Variants in CSMD1 observed in about 807,000 individuals in gnomAD.
The protein encoded by CSMD1 is CUB and Sushi multiple domains 1.
A neutral mutation model predicts 417.5 loss-of-function variants in CSMD1; 213 were observed. The ratio of observed to expected loss-of-function variants is 0.51; its 90% confidence interval spans 0.46 to 0.57. CSMD1 has a LOEUF of 0.57. Ranked by LOEUF, CSMD1 falls within the 20% of genes least tolerant of loss-of-function variation. The pLI, the probability that CSMD1 is intolerant of heterozygous loss-of-function variation, is 0.00. For synonymous variants in CSMD1, 2,862 were observed against 1,736.8 expected (o/e 1.65, Z -16.11); for missense variants, 6,923 against 4,529.7 (o/e 1.53, Z -15.17).
chr8:4,960,272 A>G (rs1809389543), intron 1 of CSMD1, among the ~76,000 whole-genome samples: 1 of 152,234 alleles, frequency 6.6e-6, no homozygotes, highest in Admixed American at 6.5e-5. Context: ...TAAACTATAC[A>G]TAACATTTGT....
intron 2 of CSMD1, 128 bp downstream of exon 2, chr8:4,637,214 G>T: frequency 1.4e-6 from 1 of 707,222 alleles, no homozygotes; most frequent in Non-Finnish European, 2.3e-6. Context: ...CTTGAAGTCA[G>T]CGAGGCCACG....
At chr8:2,990,995 T>C (rs570667019) in intron 54 of CSMD1, among the ~76,000 whole-genome samples, 4 of 152,302 alleles carry the variant, frequency 2.6e-5, no homozygotes, top group South Asian at 4.1e-4. Flanking sequence ...TTGCTTTCCA[T>C]AGGGTATATT....
chr8:3,918,168 G>C (rs1037426106), intron 5 of CSMD1, among the ~76,000 whole-genome samples: 13 of 152,050 alleles, frequency 8.5e-5, no homozygotes, highest in Non-Finnish European at 7.4e-5. Flanking sequence ...GAGTGAAAGT[G>C]TGTGTTCAAA....
At chr8:3,838,405 T>G (rs757035082) in intron 5 of CSMD1, among the ~76,000 whole-genome samples, 5 of 135,480 alleles carry the variant, frequency 3.7e-5, no homozygotes, top group African/African-American at 5.9e-5. Context: ...AGCCTATATA[T>G]ATAGAGAGAG....
chr8:4,784,020 A>AT (rs891159357), intron 1 of CSMD1, among the ~76,000 whole-genome samples: 3 of 152,200 alleles, frequency 2.0e-5, no homozygotes, highest in Non-Finnish European at 2.9e-5. Context: ...AAAATTATGG[A>AT]TAAAAAAAGT....
At chr8:4,929,621 T>C (rs1036907352) in intron 1 of CSMD1, among the ~76,000 whole-genome samples, 1 of 152,202 alleles carries the variant, frequency 6.6e-6, no homozygotes, top group Non-Finnish European at 1.5e-5. Flanking sequence ...TCATCATTTG[T>C]CACCATTTTC....
intron 3 of CSMD1, among the ~76,000 whole-genome samples, chr8:4,108,041 AAGAGAGACAGAG>A (rs1330900972): frequency 9.2e-5 from 13 of 141,340 alleles, no homozygotes; most frequent in Non-Finnish European, 1.8e-4. Flanking sequence ...GAGAGAGAGA[AAGAGAGACAGAG>A]ACAGAGACAG....
At chr8:4,952,760 C>A (rs1005292258) in intron 1 of CSMD1, among the ~76,000 whole-genome samples, 7 of 152,056 alleles carry the variant, frequency 4.6e-5, no homozygotes, top group African/African-American at 1.7e-4. Flanking sequence ...TTTGAAATTT[C>A]CTGTAATTTC....
intron 5 of CSMD1, among the ~76,000 whole-genome samples, chr8:3,797,153 A>G (rs1031333950): frequency 1.3e-5 from 2 of 151,976 alleles, no homozygotes; most frequent in Non-Finnish European, 2.9e-5. Context: ...AGTCAACATA[A>G]TAATTGAATT....
rs534793061 is a variant in CSMD1 at position 4,143,236 on chromosome 8, T to A, written c.416-111137A>T. ...GAACGGTGTGGTCTAAACCCTCTTATAGGGTTAGCACTATCTTTTTCCATT... is the reference window on the plus strand; with the variant it reads ...GAACGGTGTGGTCTAAACCCTCTTAAAGGGTTAGCACTATCTTTTTCCATT... On this transcript the variant is annotated intron_variant, in intron 3 of 69. Coordinates refer to ENST00000635120, the MANE Select transcript of CSMD1 (RefSeq NM_033225.6). 3.3e-5 allele frequency among the ~76,000 whole-genome samples: 5 copies of A among 151,322 alleles called. No individual in the cohort carries two copies. The South Asian group carries it at 6.2e-4, about 19-fold the overall frequency.
At chr8:4,894,500 C>T (rs1007912088) in intron 1 of CSMD1, among the ~76,000 whole-genome samples, 1 of 150,808 alleles carries the variant, frequency 6.6e-6, no homozygotes, top group African/African-American at 2.5e-5. Flanking sequence ...TTGCAGTGAG[C>T]CGAGATCGCA....
intron 12 of CSMD1, among the ~76,000 whole-genome samples, chr8:3,412,435 A>G (rs1280844394): frequency 6.6e-6 from 1 of 152,202 alleles, no homozygotes; most frequent in Admixed American, 6.5e-5. Context: ...AGAAACGTTC[A>G]GAGGTTGATC....
chr8:3,251,578 T>C (rs1194027252), intron 26 of CSMD1, among the ~76,000 whole-genome samples: 3 of 152,186 alleles, frequency 2.0e-5, no homozygotes, highest in Admixed American at 6.5e-5. Flanking sequence ...AACTTTAAAG[T>C]AGTTTTTTCC....
intron 1 of CSMD1, among the ~76,000 whole-genome samples, chr8:4,924,721 T>TAAAA (rs1563779776): frequency 4.5e-4 from 2 of 4,416 alleles, no homozygotes; most frequent in Admixed American, 4.2e-3. Context: ...AAACTCCATC[T>TAAAA]CAAAAAAAAA....
intron 7 of CSMD1, among the ~76,000 whole-genome samples, chr8:3,642,664 A>G (rs1465584331): frequency 6.6e-6 from 1 of 152,190 alleles, no homozygotes; most frequent in Admixed American, 6.5e-5. Flanking sequence ...GAGAGATTTC[A>G]CAACTGGGCT....
chr8:4,207,432 T>C (rs1225772866), intron 3 of CSMD1, among the ~76,000 whole-genome samples: 1 of 152,156 alleles, frequency 6.6e-6, no homozygotes, highest in African/African-American at 2.4e-5. Flanking sequence ...CAACCAACTA[T>C]TTTACAGTCA....
intron 3 of CSMD1, among the ~76,000 whole-genome samples, chr8:4,253,283 T>G (rs1053447653): frequency 1.3e-5 from 2 of 152,208 alleles, no homozygotes; most frequent in Admixed American, 6.5e-5. Context: ...GAGGCTAAAT[T>G]AGACATTCTC....
At chr8:3,837,981 C>A (rs924069528) in intron 5 of CSMD1, among the ~76,000 whole-genome samples, 1 of 151,990 alleles carries the variant, frequency 6.6e-6, no homozygotes, top group Non-Finnish European at 1.5e-5. Flanking sequence ...GAAATCTAAA[C>A]TGGCTTCTTG....
At chr8:4,397,138 G>T (rs553840937) in intron 3 of CSMD1, among the ~76,000 whole-genome samples, 3 of 151,816 alleles carry the variant, frequency 2.0e-5, no homozygotes, top group Non-Finnish European at 4.4e-5. Context: ...TCACATGGTC[G>T]AGCAATCACT....
Sources: allele counts gnomAD v4.1 joint callset (sites outside exome capture counted in the v4.1 genomes callset), GRCh38; gene constraint gnomAD v4.1.1; transcripts MANE v1.5; gene names NCBI Gene and HGNC (gene_info 2026-07-23, HGNC 2026-07-21).